ZC3H11C: variants seen among roughly 807,000 people sequenced by gnomAD.
ZC3H11C encodes the protein zinc finger CCCH domain-containing protein 11C.
At chr6:65,302,421 A>T in the ZC3H11C span, 8 of 637,578 alleles carry the variant, frequency 1.3e-5, no homozygotes, top group Non-Finnish European at 2.0e-5. Flanking sequence ...TGTCATTTGG[A>T]AGATTAAACC....
At chr6:65,303,363 C>T in the ZC3H11C span, 1 of 1,246,700 alleles carries the variant, frequency 8.0e-7, no homozygotes, top group East Asian at 2.3e-5. Flanking sequence ...TTGGGCCTTA[C>T]TGAGACACTG....
the ZC3H11C span, among the ~76,000 whole-genome samples, chr6:65,301,594 C>T: frequency 1.3e-5 from 2 of 152,242 alleles, no homozygotes; most frequent in Non-Finnish European, 2.9e-5. Flanking sequence ...GTTCGGGTCC[C>T]ACTACTTTGG....
chr6:65,305,686 G>C, the ZC3H11C span, among the ~76,000 whole-genome samples: 5 of 152,344 alleles, frequency 3.3e-5, no homozygotes, highest in Admixed American at 2.0e-4. Flanking sequence ...CATTATATGA[G>C]ATGGTGACAT....
chr6:65,301,900 A>G, the ZC3H11C span, among the ~76,000 whole-genome samples: 6 of 152,366 alleles, frequency 3.9e-5, no homozygotes, highest in African/African-American at 1.4e-4. Flanking sequence ...GATGCTTTTT[A>G]GGATTTGGGG....
At chr6:65,301,682 A>C in the ZC3H11C span, among the ~76,000 whole-genome samples, 2 of 151,934 alleles carry the variant, frequency 1.3e-5, no homozygotes, top group African/African-American at 4.8e-5. Context: ...CCCTCATTAC[A>C]CTCCCACCCC....
chr6:65,302,439 C>A, the ZC3H11C span: 2 of 632,288 alleles, frequency 3.2e-6, no homozygotes, highest in Non-Finnish European at 5.7e-6. Flanking sequence ...ACCCATTTCA[C>A]GAGGACTTGG....
the ZC3H11C span, among the ~76,000 whole-genome samples, chr6:65,306,532 T>C: frequency 6.6e-6 from 1 of 152,182 alleles, no homozygotes; most frequent in Non-Finnish European, 1.5e-5. Flanking sequence ...GTAGATATTC[T>C]TTATTCTTTT....
the ZC3H11C span, among the ~76,000 whole-genome samples, chr6:65,306,337 T>A: frequency 6.6e-6 from 1 of 152,168 alleles, no homozygotes; most frequent in Non-Finnish European, 1.5e-5. Flanking sequence ...AAGATTGGGA[T>A]GATTCTGCAC....
chr6:65,301,483 G>T, the ZC3H11C span, among the ~76,000 whole-genome samples: 1 of 152,304 alleles, frequency 6.6e-6, no homozygotes, highest in Non-Finnish European at 1.5e-5. Context: ...GGCAGTCTTG[G>T]TTTTCTGCTA....
At chr6:65,305,443 GTA>G in the ZC3H11C span, among the ~76,000 whole-genome samples, 1 of 152,186 alleles carries the variant, frequency 6.6e-6, no homozygotes, top group Non-Finnish European at 1.5e-5. Flanking sequence ...GTGTTAGATT[GTA>G]TGTCTTTTTA....
the ZC3H11C span, among the ~76,000 whole-genome samples, chr6:65,306,567 T>G: frequency 6.6e-6 from 1 of 152,030 alleles, no homozygotes; most frequent in Non-Finnish European, 1.5e-5. Flanking sequence ...TAAACTGGTA[T>G]TAGTCAATGT....
the ZC3H11C span, among the ~76,000 whole-genome samples, chr6:65,305,610 A>T: frequency 2.0e-5 from 3 of 152,114 alleles, no homozygotes; most frequent in Non-Finnish European, 4.4e-5. Context: ...GTAATTTTTT[A>T]AAAGGCTTTA....
the ZC3H11C span, among the ~76,000 whole-genome samples, chr6:65,306,550 T>A: frequency 5.9e-5 from 9 of 151,744 alleles, no homozygotes; most frequent in Non-Finnish European, 1.2e-4. Flanking sequence ...TTTGCTTTTT[T>A]AAAAAATAAA....
chr6:65,305,241 G>A, the ZC3H11C span, among the ~76,000 whole-genome samples: 2 of 152,220 alleles, frequency 1.3e-5, no homozygotes, highest in African/African-American at 4.8e-5. Context: ...GGGAGATCAA[G>A]TGAAAGGGTG....
chr6:65,304,187 G>T, the ZC3H11C span: 1 of 637,384 alleles, frequency 1.6e-6, no homozygotes. Context: ...TAAAATTCAA[G>T]TCAAGAGATG....
the ZC3H11C span, among the ~76,000 whole-genome samples, chr6:65,306,209 C>G: frequency 2.0e-5 from 3 of 152,316 alleles, no homozygotes; most frequent in African/African-American, 7.2e-5. Flanking sequence ...CCCCACCTGT[C>G]ATGTTGGCTC....
the ZC3H11C span, among the ~76,000 whole-genome samples, chr6:65,306,213 T>C: frequency 6.6e-6 from 1 of 152,246 alleles, no homozygotes; most frequent in African/African-American, 2.4e-5. Flanking sequence ...ACCTGTCATG[T>C]TGGCTCCTAA....
chr6:65,301,505 G>A, the ZC3H11C span, among the ~76,000 whole-genome samples: 1 of 152,318 alleles, frequency 6.6e-6, no homozygotes, highest in East Asian at 1.9e-4. Flanking sequence ...TGCTGCTGCT[G>A]CTGGGAGGAC....
chr6:65,302,399 C>A, the ZC3H11C span: 7 of 662,332 alleles, frequency 1.1e-5, no homozygotes, highest in Non-Finnish European at 1.9e-5. Flanking sequence ...AAGACAATTT[C>A]TGTGATCAAG....
Sources: gnomAD v4.1 joint callset for allele counts (sites outside exome capture counted in the v4.1 genomes callset) on GRCh38, gnomAD v4.1.1 for gene constraint, MANE v1.5 for transcripts, NCBI Gene and HGNC (gene_info 2026-07-23, HGNC 2026-07-21) for gene names.